The following IMMP1L variants were observed in gnomAD, a reference collection of about 807,000 sequenced individuals.
The protein encoded by IMMP1L is inner mitochondrial membrane peptidase subunit 1.
IMMP1L carries 24 observed loss-of-function variants against 21.8 expected under a neutral mutation model. That is an observed-to-expected ratio of 1.10 (90% CI 0.80 to 1.55). IMMP1L has a LOEUF of 1.55. Among genes scored for constraint, IMMP1L ranks in the 40% most tolerant of loss-of-function variants. The pLI is 0.00. For synonymous variants in IMMP1L, 46 were observed against 62.8 expected (o/e 0.73, Z 1.26); for missense variants, 195 against 200.7 (o/e 0.97, Z 0.17).
At chr11:31,473,173 CTAAG>C (rs1175276760) in intron 1 of IMMP1L, among the ~76,000 whole-genome samples, 3 of 152,214 alleles carry the variant, frequency 2.0e-5, no homozygotes, top group Non-Finnish European at 2.9e-5. Context: ...CCTCAGCCTC[CTAAG>C]TAACTGGGAC....
At chr11:31,503,385 G>T (rs569647973) in intron 1 of IMMP1L, among the ~76,000 whole-genome samples, 23 of 151,628 alleles carry the variant, frequency 1.5e-4, no homozygotes, top group Admixed American at 5.3e-4. Flanking sequence ...GAATGTAGAA[G>T]GAAATAAATG....
At chr11:31,433,888 CAA>C (rs1003118157) in intron 4 of IMMP1L, 9 of 186,502 alleles carry the variant, frequency 4.8e-5, no homozygotes, top group Non-Finnish European at 5.5e-5. Flanking sequence ...TAATAGACTT[CAA>C]AAGAGGTCAT....
intron 3 of IMMP1L, among the ~76,000 whole-genome samples, chr11:31,460,335 T>C (rs1374069697): frequency 6.6e-6 from 1 of 152,154 alleles, no homozygotes. Flanking sequence ...CTCAAAATAT[T>C]CTAAAGCCCA....
chr11:31,456,566 G>A (rs1459408594), intron 3 of IMMP1L, among the ~76,000 whole-genome samples, 180 bp from the exon 4 acceptor site: 1 of 152,054 alleles, frequency 6.6e-6, no homozygotes, highest in Non-Finnish European at 1.5e-5. Flanking sequence ...TACTTTAGGT[G>A]AGAATCCAAC....
intron 1 of IMMP1L, among the ~76,000 whole-genome samples, chr11:31,464,010 A>G (rs1461787563): frequency 6.6e-6 from 1 of 152,090 alleles, no homozygotes; most frequent in Non-Finnish European, 1.5e-5. Flanking sequence ...AATATTTCTA[A>G]TATCTGTCCT....
rs151221311 is a variant in IMMP1L at position 31,468,737 on chromosome 11, A to T, written c.-29-5432T>A. Among the ~76,000 whole-genome samples, 452 of 152,310 alleles carry T rather than the reference A, an allele frequency of 3.0e-3. 2 individuals are homozygous for T. Among genetic ancestry groups the T allele is most frequent in the African/African-American group, 0.01 (416 of 41,576 alleles). Reference sequence around the variant, plus strand: ...AGTAAACAAATAAATACATAAATACATTAAGTAATTTCTGTAAAGAAAAAT... The same window carrying T: ...AGTAAACAAATAAATACATAAATACTTTAAGTAATTTCTGTAAAGAAAAAT... On this transcript the variant is annotated intron_variant, in intron 1 of 5. Coordinates refer to ENST00000532287, the MANE Select transcript of IMMP1L (RefSeq NM_001304274.2).
Position 31,435,983 on chromosome 11 carries a change from C to T in IMMP1L, c.322-2413G>A, listed in dbSNP as rs548069708. On this transcript the variant is annotated intron_variant, in intron 4 of 5. Coordinates refer to ENST00000532287, the MANE Select transcript of IMMP1L (RefSeq NM_001304274.2). ...AATTTAATACCTTGGTAATATTTTT[C>T]TGTGCATTTATTTGATTGTTGGCAG... Among the ~76,000 whole-genome samples the T allele has an allele frequency of 3.3e-5, 5 of 152,104 alleles. 1 individual carries two copies. The highest frequency in any genetic ancestry group is 7.4e-5 in the Non-Finnish European group (5 of 67,966).
At chr11:31,472,608 A>T (rs1487530245) in intron 1 of IMMP1L, among the ~76,000 whole-genome samples, 3 of 152,184 alleles carry the variant, frequency 2.0e-5, no homozygotes, top group South Asian at 2.1e-4. Flanking sequence ...TATTTACATT[A>T]AAAAAACTGA....
intron 4 of IMMP1L, among the ~76,000 whole-genome samples, chr11:31,448,666 C>A (rs1953623798): frequency 6.6e-6 from 1 of 152,206 alleles, no homozygotes; most frequent in South Asian, 2.1e-4. Flanking sequence ...ACTCTTTCAA[C>A]AGAGATGCTG....
intron 1 of IMMP1L, among the ~76,000 whole-genome samples, chr11:31,472,683 GA>G (rs1248801670): frequency 6.6e-6 from 1 of 151,968 alleles, no homozygotes; most frequent in African/African-American, 2.4e-5. Context: ...ATAATTAATA[GA>G]AAAGCTAGGG....
chr11:31,493,684 G>A (rs969249226), intron 1 of IMMP1L, among the ~76,000 whole-genome samples: 16 of 152,102 alleles, frequency 1.1e-4, no homozygotes, highest in African/African-American at 3.4e-4. Flanking sequence ...CCACCTATGA[G>A]CCTACAAAAT....
At chr11:31,486,618 TA>T (rs2133772754) in intron 1 of IMMP1L, among the ~76,000 whole-genome samples, 1 of 152,112 alleles carries the variant, frequency 6.6e-6, no homozygotes, top group Admixed American at 6.5e-5. Flanking sequence ...GTAACCAGGA[TA>T]TTTTTTAAAA....
chr11:31,491,770 C>T (rs1240505309), intron 1 of IMMP1L, among the ~76,000 whole-genome samples: 1 of 152,174 alleles, frequency 6.6e-6, no homozygotes, highest in African/African-American at 2.4e-5. Flanking sequence ...TCCAAATCAA[C>T]CTTTTCAGCA....
chr11:31,477,877 T>C (rs1459933104), intron 1 of IMMP1L: 2 of 152,188 alleles, frequency 1.3e-5, no homozygotes, highest in South Asian at 2.1e-4. Flanking sequence ...TGTCCAATAA[T>C]ACATCTGTTA....
intron 1 of IMMP1L, among the ~76,000 whole-genome samples, chr11:31,470,563 A>G (rs1954514785): frequency 6.6e-6 from 1 of 152,200 alleles, no homozygotes; most frequent in African/African-American, 2.4e-5. Context: ...GACATAAAAC[A>G]TATATAAAAA....
chr11:31,486,451 T>C (rs1955080450), intron 1 of IMMP1L, among the ~76,000 whole-genome samples: 3 of 151,970 alleles, frequency 2.0e-5, no homozygotes, highest in Non-Finnish European at 4.4e-5. Flanking sequence ...TATAACTAGA[T>C]CTATTTATAT....
In IMMP1L at chr11:31,439,330, T is replaced by C. The variant is rs1953238808; in HGVS notation, c.322-5760A>G. On this transcript the variant is annotated intron_variant, in intron 4 of 5. Transcript: ENST00000532287. ...TCAGTTTGTATACTTTTAATTGCTG[T>C]CTTCAAATTCCCAGATCTTTTCTTT... Among the ~76,000 whole-genome samples the C allele has an allele frequency of 4.6e-5, 7 of 152,242 alleles. No individual in the cohort carries two copies. In the South Asian group the frequency reaches 1.5e-3, roughly 32 times the overall value.
At chr11:31,443,121 A>G (rs972892889) in intron 4 of IMMP1L, among the ~76,000 whole-genome samples, 2 of 152,208 alleles carry the variant, frequency 1.3e-5, no homozygotes, top group Admixed American at 1.3e-4. Flanking sequence ...GCCACTGTAT[A>G]TTCTGCTTAA....
chr11:31,492,050 C>T (rs1267224294), intron 1 of IMMP1L, among the ~76,000 whole-genome samples: 1 of 152,166 alleles, frequency 6.6e-6, no homozygotes, highest in East Asian at 1.9e-4. Flanking sequence ...TTGCCATTAT[C>T]CCCTTAGGAG....
Sources: allele counts gnomAD v4.1 joint callset (sites outside exome capture counted in the v4.1 genomes callset), GRCh38; gene constraint gnomAD v4.1.1; transcripts MANE v1.5; gene names NCBI Gene and HGNC (gene_info 2026-07-23, HGNC 2026-07-21).